EDNRB: variants seen among roughly 807,000 people sequenced by gnomAD.
EDNRB encodes endothelin receptor type B.
EDNRB carries 18 observed loss-of-function variants against 46.4 expected under a neutral mutation model. The observed-to-expected ratio is 0.39, with a 90% confidence interval of 0.27 to 0.57. The LOEUF (loss-of-function observed/expected upper bound fraction) is 0.57, where lower values mean the gene tolerates loss of function less well. Ranked by LOEUF, EDNRB falls within the 20% of genes least tolerant of loss-of-function variation. The pLI, the probability that EDNRB is intolerant of heterozygous loss-of-function variation, is 0.61. For synonymous variants in EDNRB, 213 were observed against 204.9 expected (o/e 1.04, Z -0.34); for missense variants, 434 against 537.5 (o/e 0.81, Z 1.90).
intron 1 of EDNRB, among the ~76,000 whole-genome samples, chr13:77,959,333 T>G (rs1450671965): frequency 6.6e-6 from 1 of 152,172 alleles, no homozygotes; most frequent in East Asian, 1.9e-4. Flanking sequence ...GGTTCCCCTC[T>G]GAGACGAAGC....
chr13:77,929,820 G>A (rs118084964), intron 1 of EDNRB, among the ~76,000 whole-genome samples: 2,186 of 152,258 alleles, frequency 0.014, 47 homozygotes, highest in East Asian at 0.025. Flanking sequence ...TATCCTCTGG[G>A]TAAAAGAAAG....
chr13:77,965,653 CA>C (rs1280484784), intron 1 of EDNRB, among the ~76,000 whole-genome samples: 1 of 152,092 alleles, frequency 6.6e-6, no homozygotes, highest in African/African-American at 2.4e-5. Context: ...TATGTTTCTT[CA>C]GATCCTTTTG....
At chr13:77,908,463 T>C (rs1246233275) in intron 1 of EDNRB, among the ~76,000 whole-genome samples, 4 of 151,036 alleles carry the variant, frequency 2.6e-5, no homozygotes, top group Non-Finnish European at 4.4e-5. Flanking sequence ...TCAACCAAGA[T>C]GCCATCTTTA....
At chr13:77,926,335 T>C (rs965068557) in intron 1 of EDNRB, among the ~76,000 whole-genome samples, 5 of 152,216 alleles carry the variant, frequency 3.3e-5, no homozygotes, top group African/African-American at 9.7e-5. Flanking sequence ...CTGTTTCACT[T>C]TTAAAATGGA....
chr13:77,926,512 C>G (rs867578841), intron 1 of EDNRB, among the ~76,000 whole-genome samples: 5 of 152,188 alleles, frequency 3.3e-5, no homozygotes, highest in African/African-American at 1.2e-4. Flanking sequence ...CACCTTTGCT[C>G]CAGTTCCCAA....
At chr13:77,972,664 T>G (rs1881770243) in intron 1 of EDNRB, among the ~76,000 whole-genome samples, 2 of 152,218 alleles carry the variant, frequency 1.3e-5, no homozygotes, top group African/African-American at 4.8e-5. Flanking sequence ...GTCTTTGACT[T>G]GGCAAGTCTC....
At chr13:77,967,890 C>T (rs968703524) in intron 1 of EDNRB, among the ~76,000 whole-genome samples, 6 of 152,120 alleles carry the variant, frequency 3.9e-5, no homozygotes, top group Admixed American at 2.6e-4. Flanking sequence ...TGCATCTCTG[C>T]CTTGCCTCTG....
At chr13:77,919,460 C>G (rs756343897), upstream of EDNRB, 1 of 1,612,770 alleles carries the variant, frequency 6.2e-7, no homozygotes, top group South Asian at 1.1e-5. Flanking sequence ...GGAGGCGGAA[C>G]CCAGCTGGGT....
intron 1 of EDNRB, among the ~76,000 whole-genome samples, chr13:77,912,956 T>C (rs1201808813): frequency 2.0e-5 from 3 of 152,166 alleles, no homozygotes; most frequent in Admixed American, 2.0e-4. Context: ...TATGCTTCAG[T>C]TTACTGATTG....
At chr13:77,928,939 C>T (rs1363281120) in intron 1 of EDNRB, among the ~76,000 whole-genome samples, 2 of 152,158 alleles carry the variant, frequency 1.3e-5, no homozygotes, top group Non-Finnish European at 2.9e-5. Flanking sequence ...ATTAAATTTA[C>T]TTAAGTTCTA....
upstream of EDNRB, chr13:77,919,173 A>C (rs1039344603): frequency 1.7e-6 from 1 of 571,660 alleles, no homozygotes; most frequent in Non-Finnish European, 2.9e-6. Context: ...GGAGATTCGG[A>C]AACCCGCAGA....
At position 77,898,047 on chromosome 13, in the gene EDNRB, G is replaced by A. The variant is rs201675458; in HGVS notation, c.*153C>T. ...GTAAACAGCTCATAAAATGTCATAT[G>A]TAGCTGTGAGTGTTAAAATAATTAC... On this transcript the variant is annotated 3_prime_UTR_variant, in exon 7 of 7. Transcript: ENST00000646607. 1.9e-5 allele frequency: 28 copies of A among 1,448,162 alleles called. No homozygotes were observed. In the South Asian group the frequency reaches 3.2e-4, roughly 16 times the overall value. 89.7% of individuals were successfully genotyped at this position (1,448,162 alleles called of 1,614,324 possible). A position where few individuals can be genotyped will look rare whatever the true frequency, so the allele number is the denominator to read the frequency against.
chr13:77,895,589 C>G lies in EDNRB; in HGVS notation c.*2611G>C, dbSNP rs1230132118. On this transcript the variant is annotated 3_prime_UTR_variant, in exon 7 of 7. Transcript: ENST00000646607. Reference sequence around the variant, plus strand: ...TTGTCACATTTATATTTCTTTTAAACAATCAATTAGTATTTAATGAATTAG... The same window carrying G: ...TTGTCACATTTATATTTCTTTTAAAGAATCAATTAGTATTTAATGAATTAG... The G allele has an allele frequency of 1.3e-5, 2 of 151,890 alleles. No homozygotes were observed. The highest frequency in any genetic ancestry group is 4.8e-5 in the African/African-American group (2 of 41,378). 9.4% of individuals were successfully genotyped at this position (151,890 alleles called of 1,614,324 possible).
intron 1 of EDNRB, among the ~76,000 whole-genome samples, chr13:77,962,970 C>T (rs1057487252): frequency 1.4e-4 from 22 of 152,116 alleles, no homozygotes; most frequent in Admixed American, 3.9e-4. Context: ...CATTCTTATA[C>T]ACCAATAACA....
At chr13:77,935,049 AGAGT>A (rs936816148) in intron 1 of EDNRB, among the ~76,000 whole-genome samples, 1 of 150,964 alleles carries the variant, frequency 6.6e-6, no homozygotes, top group African/African-American at 2.4e-5. Context: ...GACTCAACAA[AGAGT>A]GAGTACAGCT....
At chr13:77,930,980 T>C (rs1169822603) in intron 1 of EDNRB, among the ~76,000 whole-genome samples, 2 of 152,168 alleles carry the variant, frequency 1.3e-5, no homozygotes, top group Non-Finnish European at 2.9e-5. Flanking sequence ...CATAGGCCTA[T>C]ATTTAACAGC....
At chr13:77,941,173 C>T (rs1375227293) in intron 1 of EDNRB, among the ~76,000 whole-genome samples, 1 of 152,060 alleles carries the variant, frequency 6.6e-6, no homozygotes, top group Non-Finnish European at 1.5e-5. Context: ...AAGAAACTAT[C>T]CCGTTAAAAG....
At chr13:77,923,870 C>A (rs1880158311), upstream of EDNRB, among the ~76,000 whole-genome samples, 3 of 151,392 alleles carry the variant, frequency 2.0e-5, no homozygotes, top group East Asian at 1.9e-4. Context: ...CCACAGCAGG[C>A]TTTTTTTCTT....
chr13:77,969,978 A>C (rs1881683496), intron 1 of EDNRB, among the ~76,000 whole-genome samples: 1 of 152,110 alleles, frequency 6.6e-6, no homozygotes, highest in South Asian at 2.1e-4. Context: ...GTTTTCCTTG[A>C]CCTGTGCAAA....
Sources: gnomAD v4.1 joint callset for allele counts (sites outside exome capture counted in the v4.1 genomes callset) on GRCh38, gnomAD v4.1.1 for gene constraint, MANE v1.5 for transcripts, NCBI Gene and HGNC (gene_info 2026-07-23, HGNC 2026-07-21) for gene names.